Variants in SYNDIG1L observed in about 807,000 individuals in gnomAD.
SYNDIG1L encodes the protein synapse differentiation inducing 1 like, also known as synapse differentiation-inducing gene protein 1-like.
A neutral mutation model predicts 20.1 loss-of-function variants in SYNDIG1L; 13 were observed. That is an observed-to-expected ratio of 0.65 (90% confidence interval 0.42 to 1.03). The LOEUF (loss-of-function observed/expected upper bound fraction) is 1.03. Among genes scored for constraint, SYNDIG1L ranks in the 50% least tolerant of loss-of-function variants. The probability of loss-of-function intolerance (pLI) is 0.00; values close to 1 mark genes in which losing one functional copy is unlikely to be tolerated. For missense variants in SYNDIG1L, 294 were observed against 305.1 expected, an observed-to-expected ratio of 0.96 and a Z score of 0.27; for synonymous variants, 128 against 129.3, an observed-to-expected ratio of 0.99 and a Z score of 0.07.
At position 74,414,327 on chromosome 14, in the gene SYNDIG1L, T is replaced by C. The variant is rs181681429; in HGVS notation, c.-57-4526A>G. 8.5e-5 allele frequency among the ~76,000 whole-genome samples: 13 copies of C among 152,306 alleles called. No homozygotes were observed. In the East Asian group the frequency reaches 1.7e-3, roughly 20 times the overall value. The stretch of plus-strand genomic sequence containing the variant: ...AGGTCTGGAATTCTGAAGCTGAGAT[T>C]GCTCCAAATTGTGCAGCTGGGGCTG... On this transcript the variant is annotated intron_variant, in intron 1 of 3. Coordinates refer to ENST00000331628, the MANE Select transcript of SYNDIG1L (RefSeq NM_001105579.2).
chr14:74,476,160 C>T, the SYNDIG1L span: 1 of 471,336 alleles, frequency 2.1e-6, no homozygotes, highest in South Asian at 2.9e-5. Context: ...TTGCAGTATC[C>T]CCCTTTGTGG....
chr14:74,450,422 T>TAAA, the SYNDIG1L span, among the ~76,000 whole-genome samples: 1 of 152,120 alleles, frequency 6.6e-6, no homozygotes, highest in Admixed American at 6.5e-5. Context: ...TGAATATGCA[T>TAAA]AAAAAATTCT....
chr14:74,417,291 A>G (rs753416600), intron 1 of SYNDIG1L, among the ~76,000 whole-genome samples: 1 of 152,210 alleles, frequency 6.6e-6, no homozygotes, highest in Non-Finnish European at 1.5e-5. Flanking sequence ...CCTGAACAGG[A>G]CCATGTTCTC....
chr14:74,456,090 T>C, the SYNDIG1L span, among the ~76,000 whole-genome samples: 1 of 152,256 alleles, frequency 6.6e-6, no homozygotes, highest in East Asian at 1.9e-4. Context: ...CTCAGCTCTC[T>C]TCACCAGATT....
the SYNDIG1L span, among the ~76,000 whole-genome samples, chr14:74,477,950 C>T: frequency 6.6e-6 from 1 of 152,240 alleles, no homozygotes; most frequent in South Asian, 2.1e-4. Context: ...AACTAATCCC[C>T]CCACGGGAGC....
At chr14:74,408,273 C>G (rs2086100863) in intron 2 of SYNDIG1L, among the ~76,000 whole-genome samples, 1 of 152,142 alleles carries the variant, frequency 6.6e-6, no homozygotes, top group Non-Finnish European at 1.5e-5. Context: ...AAGAGAAACA[C>G]TCTCAATGGG....
intron 1 of SYNDIG1L, among the ~76,000 whole-genome samples, chr14:74,420,611 T>C (rs988807343): frequency 6.6e-6 from 1 of 152,108 alleles, no homozygotes; most frequent in East Asian, 1.9e-4. Context: ...TGCAACCACC[T>C]GAGACAGAAA....
the SYNDIG1L span, among the ~76,000 whole-genome samples, chr14:74,460,626 G>T: frequency 6.6e-6 from 1 of 152,012 alleles, no homozygotes; most frequent in Non-Finnish European, 1.5e-5. Context: ...TTCCATCCTG[G>T]GCCAGCCTGG....
chr14:74,421,066 C>A (rs1429282069), intron 1 of SYNDIG1L, among the ~76,000 whole-genome samples: 2 of 151,812 alleles, frequency 1.3e-5, no homozygotes, highest in Admixed American at 1.3e-4. Context: ...ACAAATGACC[C>A]AATAAGATCC....
At chr14:74,442,692 G>A in the SYNDIG1L span, among the ~76,000 whole-genome samples, 1 of 152,168 alleles carries the variant, frequency 6.6e-6, no homozygotes, top group Non-Finnish European at 1.5e-5. Flanking sequence ...ACAATGGCTA[G>A]GAGGCCACTA....
chr14:74,429,535 C>T (rs1299010674), upstream of SYNDIG1L, among the ~76,000 whole-genome samples: 1 of 152,270 alleles, frequency 6.6e-6, no homozygotes, highest in Non-Finnish European at 1.5e-5. Flanking sequence ...AGGCCACACA[C>T]TGGAAGAGAT....
the SYNDIG1L span, among the ~76,000 whole-genome samples, chr14:74,453,478 C>T: frequency 6.7e-6 from 1 of 148,492 alleles, no homozygotes; most frequent in Non-Finnish European, 1.5e-5. Flanking sequence ...TACAAAGGAG[C>T]ATGAGGAAAT....
chr14:74,477,222 GA>G, the SYNDIG1L span, among the ~76,000 whole-genome samples: 1 of 150,480 alleles, frequency 6.6e-6, no homozygotes, highest in Non-Finnish European at 1.5e-5. Context: ...TCTTCCTTGG[GA>G]AAAACACTTG....
intron 1 of SYNDIG1L, among the ~76,000 whole-genome samples, chr14:74,424,299 G>A (rs750452700): frequency 6.6e-6 from 1 of 152,182 alleles, no homozygotes. Context: ...CTGAGACAGC[G>A]GCGGATCTGT....
Position 74,409,617 on chromosome 14 carries a change from A to G in SYNDIG1L, c.128T>C (p.Leu43Pro). ...SCQEKLYSYL[L>P]GGAGPAGAHQ... ...GGCTCCGGCAGGCCCAGCGCCACCTAGGAGGTAGGAGTAGAGCTTTTCCTG... is the reference window on the plus strand; with the variant it reads ...GGCTCCGGCAGGCCCAGCGCCACCTGGGAGGTAGGAGTAGAGCTTTTCCTG... The change falls in exon 2 of 4, where the codon CTA becomes CCA. Residue 43 changes from leucine (L) to proline (P), a missense_variant. Leu to Pro is a moderately conservative substitution (Grantham distance 98). Coordinates refer to ENST00000331628, the MANE Select transcript of SYNDIG1L (RefSeq NM_001105579.2). 1 of 1,507,526 alleles carries G rather than the reference A, an allele frequency of 6.6e-7. No homozygotes were observed. Among genetic ancestry groups the G allele is most frequent in the Admixed American group, 2.3e-5 (1 of 43,014 alleles). 93.4% of individuals were successfully genotyped at this position (1,507,526 alleles called of 1,614,324 possible).
At chr14:74,475,610 A>G in the SYNDIG1L span, among the ~76,000 whole-genome samples, 16,192 of 151,130 alleles carry the variant, frequency 0.11, 1,125 homozygotes, top group Admixed American at 0.18. Flanking sequence ...TAGACTCTGA[A>G]GCTCCTGGGA....
chr14:74,427,118 C>CTTT (rs34437070), upstream of SYNDIG1L, among the ~76,000 whole-genome samples: 9,836 of 116,658 alleles, frequency 0.084, 1,004 homozygotes, highest in African/African-American at 0.21. Flanking sequence ...CCTGCGTTTC[C>CTTT]TTTTTTTTTT....
chr14:74,476,018 T>TA, the SYNDIG1L span, among the ~76,000 whole-genome samples: 1 of 152,310 alleles, frequency 6.6e-6, no homozygotes, highest in Non-Finnish European at 1.5e-5. Flanking sequence ...TTTGTTTTAG[T>TA]AAAAAAATCA....
the SYNDIG1L span, among the ~76,000 whole-genome samples, chr14:74,454,938 G>C: frequency 6.6e-6 from 1 of 152,214 alleles, no homozygotes; most frequent in Non-Finnish European, 1.5e-5. Context: ...GTAGTTTATA[G>C]ATGTGGTTAG....
Sources: allele counts gnomAD v4.1 joint callset (sites outside exome capture counted in the v4.1 genomes callset), GRCh38; gene constraint gnomAD v4.1.1; transcripts MANE v1.5; gene names NCBI Gene and HGNC (gene_info 2026-07-23, HGNC 2026-07-21).